DAB1: variants seen among roughly 807,000 people sequenced by gnomAD.
DAB1 encodes the protein DAB adaptor protein 1.
DAB1 carries 15 observed loss-of-function variants against 64.6 expected under a neutral mutation model. The ratio of observed to expected loss-of-function variants is 0.23; its 90% confidence interval spans 0.16 to 0.36. DAB1 has a LOEUF of 0.36. Among genes scored for constraint, DAB1 ranks in the 10% least tolerant of loss-of-function variants. The pLI is 1.00. For synonymous variants in DAB1, 235 were observed against 251.9 expected (o/e 0.93, Z 0.64); for missense variants, 596 against 706.7 (o/e 0.84, Z 1.78).
chr1:57,324,198 G>A (rs1675969772), intron 1 of DAB1, among the ~76,000 whole-genome samples: 1 of 152,196 alleles, frequency 6.6e-6, no homozygotes, highest in South Asian at 2.1e-4. Context: ...CTCCACCAGA[G>A]CCAGGTGAAC....
chr1:58,190,482 T>G (rs1657326677), intron 4 of DAB1, among the ~76,000 whole-genome samples: 1 of 152,190 alleles, frequency 6.6e-6, no homozygotes, highest in Admixed American at 6.6e-5. Context: ...TCATGCACAT[T>G]GTGTGGATGT....
At chr1:58,358,078 TG>T (rs1229884738) in intron 3 of DAB1, among the ~76,000 whole-genome samples, 1 of 152,232 alleles carries the variant, frequency 6.6e-6, no homozygotes, top group East Asian at 1.9e-4. Flanking sequence ...TCTGTTTACC[TG>T]TTTCCAGAAA....
At chr1:58,407,465 G>A (rs1002716016) in intron 3 of DAB1, among the ~76,000 whole-genome samples, 1 of 152,194 alleles carries the variant, frequency 6.6e-6, no homozygotes, top group South Asian at 2.1e-4. Context: ...GATGATATCA[G>A]GAATGATTTG....
chr1:57,791,317 C>A (rs1446687963), intron 6 of DAB1, among the ~76,000 whole-genome samples: 2 of 152,164 alleles, frequency 1.3e-5, no homozygotes, highest in Non-Finnish European at 2.9e-5. Context: ...ATACTATGAT[C>A]CTTTTACACA....
chr1:57,072,002 G>A (rs532870101), intron 5 of DAB1, among the ~76,000 whole-genome samples: 4 of 150,224 alleles, frequency 2.7e-5, no homozygotes, highest in South Asian at 2.1e-4. Context: ...ATTTGTATAC[G>A]GTGCCTCCAT....
At chr1:57,562,534 A>G (rs1000363248) in intron 7 of DAB1, among the ~76,000 whole-genome samples, 1 of 152,206 alleles carries the variant, frequency 6.6e-6, no homozygotes. Flanking sequence ...CTAGGTGACA[A>G]TACATTGCAA....
At chr1:57,124,336 A>C (rs1656935539) in intron 4 of DAB1, among the ~76,000 whole-genome samples, 1 of 152,140 alleles carries the variant, frequency 6.6e-6, no homozygotes, top group Admixed American at 6.6e-5. Flanking sequence ...GTGTCTATTC[A>C]CATGGGTAAA....
intron 7 of DAB1, among the ~76,000 whole-genome samples, chr1:57,561,848 T>C (rs1237052307): frequency 6.6e-6 from 1 of 152,212 alleles, no homozygotes; most frequent in Middle Eastern, 3.2e-3. Flanking sequence ...TTCCTTGCAG[T>C]GATCAGGCAG....
At chr1:57,122,501 T>C (rs1656754083) in intron 4 of DAB1, among the ~76,000 whole-genome samples, 1 of 152,118 alleles carries the variant, frequency 6.6e-6, no homozygotes, top group Non-Finnish European at 1.5e-5. Context: ...GTTCAGAAAA[T>C]ACTCTGAGGT....
At chr1:57,066,873 G>A (rs2100581435) in intron 8 of DAB1, among the ~76,000 whole-genome samples, 1 of 152,302 alleles carries the variant, frequency 6.6e-6, no homozygotes, top group East Asian at 1.9e-4. Context: ...TCACAAAAGA[G>A]TTAAAGGTCT....
At chr1:57,054,654 A>G (rs947171149) in intron 9 of DAB1, among the ~76,000 whole-genome samples, 2 of 151,522 alleles carry the variant, frequency 1.3e-5, no homozygotes, top group African/African-American at 4.9e-5. Context: ...ATTTTTTTGT[A>G]TTTTTAGTAG....
At chr1:57,995,577 C>G (rs1646411964) in intron 5 of DAB1, among the ~76,000 whole-genome samples, 1 of 152,040 alleles carries the variant, frequency 6.6e-6, no homozygotes, top group Non-Finnish European at 1.5e-5. Context: ...GTCATTAATC[C>G]TCAATAAATA....
intron 1 of DAB1, among the ~76,000 whole-genome samples, chr1:57,390,284 T>TGTGGCCTTAGGCAAATCATTTA (rs1553176415): frequency 1.3e-5 from 2 of 152,326 alleles, no homozygotes; most frequent in East Asian, 3.9e-4. Flanking sequence ...TCATTAGTTG[T>TGTGGCCTTAGGCAAATCATTTA]GTGGCCTTAG....
intron 12 of DAB1, among the ~76,000 whole-genome samples, chr1:57,013,427 C>T (rs947703970): frequency 1.3e-5 from 2 of 152,152 alleles, no homozygotes; most frequent in Non-Finnish European, 2.9e-5. Flanking sequence ...GCTGTCATTT[C>T]TTTAACATTT....
intron 6 of DAB1, among the ~76,000 whole-genome samples, chr1:57,795,623 T>C (rs1650808529): frequency 6.7e-6 from 1 of 148,168 alleles, no homozygotes; most frequent in African/African-American, 2.5e-5. Flanking sequence ...TCTTTATGTA[T>C]AGTCTGAATG....
chr1:57,215,508 C>T (rs558306511), intron 2 of DAB1, among the ~76,000 whole-genome samples: 1 of 152,310 alleles, frequency 6.6e-6, no homozygotes, highest in East Asian at 1.9e-4. Context: ...TCTGAGCACA[C>T]AGTCTTTGAG....
At chr1:57,970,043 CCT>C (rs1645760078) in intron 5 of DAB1, among the ~76,000 whole-genome samples, 2 of 152,126 alleles carry the variant, frequency 1.3e-5, no homozygotes, top group Non-Finnish European at 2.9e-5. Context: ...AGCTCTCTCA[CCT>C]CTTCTACCAT....
intron 3 of DAB1, among the ~76,000 whole-genome samples, chr1:58,503,562 G>A (rs1319364628): frequency 1.3e-5 from 2 of 152,080 alleles, no homozygotes; most frequent in African/African-American, 4.8e-5. Flanking sequence ...ATGGTATCAG[G>A]AGGTAAGCGC....
chr1:57,035,194 A>G (rs1647101917), intron 9 of DAB1, among the ~76,000 whole-genome samples: 1 of 152,244 alleles, frequency 6.6e-6, no homozygotes, highest in Non-Finnish European at 1.5e-5. Flanking sequence ...TACATCCTTT[A>G]TAAATTCACA....
Sources: gnomAD v4.1 joint callset for allele counts (sites outside exome capture counted in the v4.1 genomes callset) on GRCh38, gnomAD v4.1.1 for gene constraint, MANE v1.5 for transcripts, NCBI Gene and HGNC (gene_info 2026-07-23, HGNC 2026-07-21) for gene names.